Variants in IGF2R observed in about 807,000 individuals in gnomAD.
IGF2R encodes the protein insulin like growth factor 2 receptor, also known as cation-independent mannose-6-phosphate receptor.
In IGF2R, 91 loss-of-function variants were observed where a neutral mutation model predicts 270.6. The ratio of observed to expected loss-of-function variants is 0.34; its 90% CI spans 0.28 to 0.40. The LOEUF (loss-of-function observed/expected upper bound fraction) is 0.40. IGF2R is among the 10% of genes least tolerant of loss of function. The probability of loss-of-function intolerance (pLI) is 1.00; values close to 1 mark genes in which losing one functional copy is unlikely to be tolerated. For synonymous variants in IGF2R, 1,316 were observed against 1,258.9 expected, an observed-to-expected ratio of 1.05 and a Z score of -0.96; for missense variants, 2,805 against 3,188.3, an observed-to-expected ratio of 0.88 and a Z score of 2.90.
chr6:160,007,922 A>G (rs2115201945), intron 2 of IGF2R, among the ~76,000 whole-genome samples: 1 of 152,262 alleles, frequency 6.6e-6, no homozygotes, highest in South Asian at 2.1e-4. Flanking sequence ...ATTTCTGCCA[A>G]GTTTTGAAGT....
At chr6:160,029,484 G>T (rs1777643826) in intron 6 of IGF2R, 66 bp from the exon 7 acceptor site, 4 of 985,608 alleles carry the variant, frequency 4.1e-6, no homozygotes, top group Non-Finnish European at 6.5e-6. Flanking sequence ...AATGCTCAGG[G>T]CAACATATGA....
intron 12 of IGF2R, 22 bp downstream of exon 12, chr6:160,043,310 G>T: frequency 6.2e-7 from 1 of 1,605,202 alleles, no homozygotes; most frequent in Non-Finnish European, 8.5e-7. Context: ...CTGGATGGAA[G>T]ATCTAGGTGA....
rs79713918 is a variant in IGF2R, at chr6:159,988,559, C to T, written c.150-2625C>T. ...AAAGAAAAGCATAGCATTTTAGGTA[C>T]GTGTGGATCTCTTTAGCGTTGATTC... On this transcript the variant is annotated intron_variant, in intron 1 of 47. Coordinates refer to ENST00000356956, the MANE Select transcript of IGF2R (RefSeq NM_000876.4). 6.9e-3 allele frequency among the ~76,000 whole-genome samples: 1,026 copies of T among 149,468 alleles called. 16 individuals are homozygous for T. The highest frequency in any genetic ancestry group is 0.024 in the African/African-American group (973 of 40,512).
At chr6:160,097,002 G>A (rs1465931829) in intron 45 of IGF2R, among the ~76,000 whole-genome samples, 1 of 152,192 alleles carries the variant, frequency 6.6e-6, no homozygotes, top group Non-Finnish European at 1.5e-5. Flanking sequence ...CCTCCTCTGT[G>A]TAATCCTGGA....
chr6:159,995,812 T>TTAGC (rs1214722404), intron 2 of IGF2R, among the ~76,000 whole-genome samples: 1 of 152,058 alleles, frequency 6.6e-6, no homozygotes, highest in African/African-American at 2.4e-5. Flanking sequence ...TTTGAATTCC[T>TTAGC]TAGCTGGTAT....
chr6:160,073,152 A>G (rs747071725), intron 33 of IGF2R, 61 bp from the exon 34 acceptor site: 6 of 1,587,602 alleles, frequency 3.8e-6, no homozygotes, highest in Non-Finnish European at 5.2e-6. Flanking sequence ...GAAAGTTCTC[A>G]TCAGAAAATT....
At chr6:159,972,145 T>C (rs9457794) in intron 1 of IGF2R, among the ~76,000 whole-genome samples, 11,607 of 152,206 alleles carry the variant, frequency 0.076, 493 homozygotes, top group South Asian at 0.098. Flanking sequence ...AAAAATTTTA[T>C]CGTGTCACCA....
Position 160,034,470 on chromosome 6 carries a change from C to T in IGF2R, c.1263C>T (p.Ser421=). 6.2e-7 allele frequency: 1 copy of T among 1,611,460 alleles called. No homozygotes were observed. Among genetic ancestry groups the T allele is most frequent in the Non-Finnish European group, 8.5e-7 (1 of 1,177,670 alleles). Residue 421 remains serine, a synonymous_variant, in exon 10 of 48, where the codon AGC becomes AGT. Coordinates refer to ENST00000356956, the MANE Select transcript of IGF2R (RefSeq NM_000876.4). The stretch of plus-strand genomic sequence containing the variant: ...TATATTTTGGAGGTGATGAATGCAG[C>T]TCAGGGTTTCAGCGGATGAGCGTCA... The part of the protein sequence containing the change: ...TLIYFGGDEC[S]SGFQRMSVIN...
chr6:160,103,712 A>T, intron 46 of IGF2R, 34 bp from the exon 47 acceptor site: 1 of 1,520,062 alleles, frequency 6.6e-7, no homozygotes, highest in South Asian at 1.1e-5. Flanking sequence ...CCCTCTCTAC[A>T]CTGGAGTAAT....
At chr6:160,035,492 A>C (rs1451398059) in intron 10 of IGF2R, among the ~76,000 whole-genome samples, 3 of 152,320 alleles carry the variant, frequency 2.0e-5, no homozygotes, top group African/African-American at 7.2e-5. Flanking sequence ...CGTCCTAGCA[A>C]GCAGGCAAAG....
chr6:160,045,315 C>T (rs1225425284), intron 13 of IGF2R, among the ~76,000 whole-genome samples: 2 of 152,158 alleles, frequency 1.3e-5, no homozygotes, highest in Non-Finnish European at 2.9e-5. Flanking sequence ...TGGATAAGTT[C>T]CCAGCTGTGG....
At chr6:160,057,876 T>A in intron 20 of IGF2R, 147 bp from the exon 21 acceptor site, 1 of 599,168 alleles carries the variant, frequency 1.7e-6, no homozygotes, top group South Asian at 1.9e-5. Context: ...CATGTAGGGC[T>A]ACATTTTTGA....
intron 1 of IGF2R, among the ~76,000 whole-genome samples, chr6:159,971,904 G>T (rs1052283050): frequency 6.6e-6 from 1 of 152,096 alleles, no homozygotes; most frequent in African/African-American, 2.4e-5. Context: ...TAATCTTCCT[G>T]CGTCAGCCTC....
chr6:160,065,810 G>GTATATATATATATATATA (rs1280903899), intron 29 of IGF2R, among the ~76,000 whole-genome samples: 1 of 72,980 alleles, frequency 1.4e-5, no homozygotes, highest in Non-Finnish European at 2.6e-5. Flanking sequence ...GTGTGTGTGT[G>GTATATATATATATATATA]TGTGTATATA....
intron 2 of IGF2R, among the ~76,000 whole-genome samples, chr6:159,999,826 G>C (rs1414598643): frequency 6.6e-6 from 1 of 152,056 alleles, no homozygotes; most frequent in Non-Finnish European, 1.5e-5. Flanking sequence ...AAAGTAAAAA[G>C]ACAATAGAAC....
At chr6:160,060,761 AGT>A (rs780897764) in intron 23 of IGF2R, 44 bp downstream of exon 23, 9 of 1,594,080 alleles carry the variant, frequency 5.6e-6, no homozygotes, top group African/African-American at 1.3e-5. Context: ...GTCAAGAGTC[AGT>A]GTGTGTGTGA....
At chr6:159,975,652 GA>G (rs59179498) in intron 1 of IGF2R, among the ~76,000 whole-genome samples, 6 of 138,522 alleles carry the variant, frequency 4.3e-5, no homozygotes, top group South Asian at 4.5e-4. Context: ...AACCAGATGG[GA>G]AAAAAAAACC....
At chr6:159,982,035 G>A (rs184527245) in intron 1 of IGF2R, among the ~76,000 whole-genome samples, 1 of 152,180 alleles carries the variant, frequency 6.6e-6, no homozygotes, top group African/African-American at 2.4e-5. Context: ...TCCTATATAA[G>A]CTCTGGCCAT....
At chr6:160,080,395 A>G in intron 39 of IGF2R, 120 bp downstream of exon 39, 2 of 1,008,494 alleles carry the variant, frequency 2.0e-6, no homozygotes, top group Non-Finnish European at 2.8e-6. Flanking sequence ...TGCATAAAAT[A>G]TTTTCTTACT....
Sources: gnomAD v4.1 joint callset for allele counts (sites outside exome capture counted in the v4.1 genomes callset) on GRCh38, gnomAD v4.1.1 for gene constraint, MANE v1.5 for transcripts, NCBI Gene and HGNC (gene_info 2026-07-23, HGNC 2026-07-21) for gene names.